The following RHOBTB2 variants were observed in gnomAD, a reference collection of about 807,000 sequenced individuals.
RHOBTB2 encodes rho-related BTB domain-containing protein 2.
RHOBTB2 carries 39 observed loss-of-function variants against 66.5 expected under a neutral mutation model. The observed-to-expected ratio is 0.59, with a 90% CI of 0.45 to 0.77. The LOEUF is 0.77. Among genes scored for constraint, RHOBTB2 ranks in the 30% least tolerant of loss-of-function variants. The pLI is 0.00. For synonymous variants in RHOBTB2, 390 were observed against 395.0 expected, an observed-to-expected ratio of 0.99 and a Z score of 0.15; for missense variants, 755 against 999.1, an observed-to-expected ratio of 0.76 and a Z score of 3.29.
the RHOBTB2 span, among the ~76,000 whole-genome samples, chr8:22,952,963 A>T: frequency 6.1e-4 from 92 of 152,050 alleles, 3 homozygotes; most frequent in Non-Finnish European, 2.9e-5. Flanking sequence ...GAAGAGCACC[A>T]AGTGGGCTAC....
At chr8:22,954,267 C>CA in the RHOBTB2 span, among the ~76,000 whole-genome samples, 1 of 152,184 alleles carries the variant, frequency 6.6e-6, no homozygotes, top group South Asian at 2.1e-4. Context: ...GCTTCTTCCA[C>CA]AGCAGGAAAG....
At chr8:23,008,957 C>G (rs1811054044) in intron 6 of RHOBTB2, among the ~76,000 whole-genome samples, 1 of 152,014 alleles carries the variant, frequency 6.6e-6, no homozygotes, top group Non-Finnish European at 1.5e-5. Context: ...TTCACTATCC[C>G]TAGGACTTGG....
chr8:22,978,393 A>G, the RHOBTB2 span, among the ~76,000 whole-genome samples: 1 of 151,346 alleles, frequency 6.6e-6, no homozygotes, highest in African/African-American at 2.4e-5. Context: ...AGGCTGAGGC[A>G]GGAGAATGGC....
At position 23,006,042 on chromosome 8, in the gene RHOBTB2, A is replaced by C. The variant is rs781503290; in HGVS notation, c.379A>C (p.Lys127Gln). Residue 127 changes from lysine to glutamine, a missense_variant, in exon 4 of 10, where the codon AAG becomes CAG. Physicochemically the swap from Lys to Gln is moderately conservative, Grantham distance 53 (BLOSUM62 1). Around this residue, in one of 7 missense-constraint regions of RHOBTB2, gnomAD observed 33 missense variants for 36.0 expected, o/e 0.92. Transcript: ENST00000251822. The surrounding 1 kb of genome is among the most constrained non-coding windows in gnomAD (Gnocchi z 6.1). ...CAAGACCATGTGGTACCCAGAAATC[A>C]AGCACTTCTGCCCCCGAGCACCTGT... The part of the protein sequence containing the change: ...HVKTMWYPEI[K>Q]HFCPRAPVIL... 4 of 1,613,308 alleles carry C rather than the reference A, an allele frequency of 2.5e-6. No homozygotes were observed.
At chr8:22,962,874 T>C in the RHOBTB2 span, among the ~76,000 whole-genome samples, 1 of 152,202 alleles carries the variant, frequency 6.6e-6, no homozygotes, top group African/African-American at 2.4e-5. Context: ...ACAAGAGTGG[T>C]AAAAGCAAAA....
the RHOBTB2 span, among the ~76,000 whole-genome samples, chr8:22,959,043 G>T: frequency 6.6e-6 from 1 of 152,144 alleles, no homozygotes. Flanking sequence ...TTGGGACTCT[G>T]CTAGTCTTCC....
rs778715345 is a variant in RHOBTB2 at position 23,010,569 on chromosome 8, T to C, written c.1652T>C (p.Met551Thr). Reference protein sequence around the residue: ...VVFPYTSKSCMRAVLEYLYTG... With the variant: ...VVFPYTSKSCTRAVLEYLYTG... Reference sequence around the variant, plus strand: ...TTTCCCTACACAAGCAAGAGCTGCATGCGGGCCGTGCTGGAATACCTCTAC... The same window carrying C: ...TTTCCCTACACAAGCAAGAGCTGCACGCGGGCCGTGCTGGAATACCTCTAC... Residue 551 changes from methionine to threonine, a missense_variant, in exon 7 of 10, where the codon ATG becomes ACG. Around this residue, in one of 7 missense-constraint regions of RHOBTB2, gnomAD observed 353 missense variants for 458.2 expected, o/e 0.77. Transcript: ENST00000251822. The C allele has an allele frequency of 6.8e-6, 11 of 1,614,076 alleles. No homozygotes were observed. In the East Asian group the frequency reaches 2.5e-4, roughly 36 times the overall value.
rs779401316 is a variant in RHOBTB2, at chr8:23,007,734, G to A, written c.1489G>A (p.Gly497Ser). Residue 497 changes from glycine to serine, a missense_variant, in exon 5 of 10, where the codon GGC (glycine) becomes AGC (serine). Physicochemically the swap from Gly to Ser is moderately conservative, Grantham distance 56 (BLOSUM62 0). Around this residue, in one of 7 missense-constraint regions of RHOBTB2, gnomAD observed 353 missense variants for 458.2 expected, o/e 0.77. Transcript: ENST00000251822. The stretch of plus-strand genomic sequence containing the variant: ...CCGGGTTAAGGAGTGCTTGGCAAAA[G>A]GCACCTTCTCAGGTATGGAACAGGC... ...TNRVKECLAK[G>S]TFSDVTFILD... The A allele has an allele frequency of 1.2e-6, 2 of 1,613,600 alleles. No individual in the cohort carries two copies. Among genetic ancestry groups the A allele is most frequent in the South Asian group, 2.2e-5 (2 of 91,040 alleles).
At chr8:22,965,033 T>C in the RHOBTB2 span, among the ~76,000 whole-genome samples, 5 of 152,172 alleles carry the variant, frequency 3.3e-5, no homozygotes, top group Admixed American at 2.6e-4. Flanking sequence ...GCCAGGCTGG[T>C]CTCGAATTCC....
chr8:23,012,712 G>T (rs1811182329), intron 7 of RHOBTB2, among the ~76,000 whole-genome samples: 1 of 152,104 alleles, frequency 6.6e-6, no homozygotes, highest in Non-Finnish European at 1.5e-5. Context: ...TCAAATTCCT[G>T]GGCTCAAGCG....
In RHOBTB2 at chr8:23,006,968, G is replaced by A. The variant is rs765307995; in HGVS notation, c.723G>A (p.Pro241=). Residue 241 remains proline (P), a synonymous_variant, in exon 5 of 10, where the codon CCG becomes CCA. Coordinates refer to ENST00000251822, the MANE Select transcript of RHOBTB2 (RefSeq NM_015178.3). The surrounding 1 kb of genome is among the most constrained non-coding windows in gnomAD (Gnocchi z 6.1). ...APFLPPKPPP[P]IIVVPDPPSS... is the part of the protein sequence containing the mutation. ...TCCTACCCCCCAAGCCACCGCCCCC[G>A]ATCATCGTGGTGCCCGACCCTCCCT... The A allele has an allele frequency of 5.6e-6, 9 of 1,611,012 alleles. No individual in the cohort carries two copies. The highest frequency in any genetic ancestry group is 2.2e-5 in the East Asian group (1 of 44,874).
chr8:23,007,032 C>G lies in RHOBTB2; in HGVS notation c.787C>G (p.Pro263Ala), dbSNP rs1810979375. ...GTGCCCCGCCCACCTCCTGGAGGAC[C>G]CGCTCTGCGCGGACGTCATCCTGGT... Reference protein sequence around the residue: ...EECPAHLLEDPLCADVILVLQ... With the variant: ...EECPAHLLEDALCADVILVLQ... Residue 263 changes from proline (P) to alanine (A), a missense_variant, in exon 5 of 10, where the codon CCG (proline) becomes GCG (alanine). Physicochemically the swap from Pro to Ala is conservative, Grantham distance 27. Around this residue, in one of 7 missense-constraint regions of RHOBTB2, gnomAD observed 247 missense variants for 238.9 expected, o/e 1.03. Coordinates refer to ENST00000251822, the MANE Select transcript of RHOBTB2 (RefSeq NM_015178.3). 1.2e-6 allele frequency: 2 copies of G among 1,608,718 alleles called. No individual in the cohort carries two copies. The highest frequency in any genetic ancestry group is 1.7e-5 in the Admixed American group (1 of 59,898).
Position 23,019,905 on chromosome 8 carries a change from G to C in RHOBTB2, c.*2436G>C, listed in dbSNP as rs1563300429. ...GTCCCTGTCCCCAGAGGGAGGAGCA[G>C]GCAGGAGAGAGAGGGGAAGGAGGTA... On this transcript the variant is annotated 3_prime_UTR_variant, in exon 10 of 10. Transcript: ENST00000251822. 1 of 227,622 alleles carries C rather than the reference G, an allele frequency of 4.4e-6. No homozygotes were observed. Among genetic ancestry groups the C allele is most frequent in the Non-Finnish European group, 8.8e-6 (1 of 113,324 alleles). 14.1% of individuals were successfully genotyped at this position (227,622 alleles called of 1,614,324 possible).
At chr8:22,980,163 C>T in the RHOBTB2 span, among the ~76,000 whole-genome samples, 45 of 152,210 alleles carry the variant, frequency 3.0e-4, no homozygotes, top group African/African-American at 1.1e-3. Context: ...GTAAATTGAA[C>T]TGACAAACAG....
the RHOBTB2 span, among the ~76,000 whole-genome samples, chr8:22,975,996 A>G: frequency 6.6e-6 from 1 of 152,018 alleles, no homozygotes; most frequent in African/African-American, 2.4e-5. Flanking sequence ...AAATATAAAA[A>G]TTAGCCAAGT....
intron 6 of RHOBTB2, among the ~76,000 whole-genome samples, chr8:23,010,110 G>C (rs1811094832): frequency 6.6e-6 from 1 of 152,136 alleles, no homozygotes; most frequent in Non-Finnish European, 1.5e-5. Flanking sequence ...CCGCGAGCAA[G>C]AGCGGCTTCC....
At chr8:22,972,899 C>T in the RHOBTB2 span, among the ~76,000 whole-genome samples, 1 of 152,228 alleles carries the variant, frequency 6.6e-6, no homozygotes. Context: ...CTCCTCCTGC[C>T]TTTCTGAATC....
rs1308382295 is a variant in RHOBTB2, at chr8:23,017,448, T to C, written c.2163T>C (p.Ser721=). ...SSSAASSSSP[S]SSSAVV is the part of the protein sequence containing the mutation. The stretch of plus-strand genomic sequence containing the variant: ...CGGCAGCCTCCTCCTCATCCCCATC[T>C]TCCTCCTCGGCTGTGGTCTGAGATG... Residue 721 remains serine (S), a synonymous_variant, in exon 10 of 10, where the codon TCT becomes TCC. Transcript: ENST00000251822. The surrounding 1 kb of genome is among the most constrained non-coding windows in gnomAD (Gnocchi z 5.3). 4.4e-6 allele frequency: 7 copies of C among 1,595,322 alleles called. No individual in the cohort carries two copies. Among genetic ancestry groups the C allele is most frequent in the Non-Finnish European group, 5.1e-6 (6 of 1,171,028 alleles).
chr8:23,000,029 A>T lies in RHOBTB2; in HGVS notation c.-87A>T. On this transcript the variant is annotated 5_prime_UTR_variant, in exon 1 of 10. Coordinates refer to ENST00000251822, the MANE Select transcript of RHOBTB2 (RefSeq NM_015178.3). ...TTGCAGGCGCGGAGGGACCCCTGAC[A>T]TTTCACTAAAATGAGCGTGCTCAGC... 1 of 985,492 alleles carries T rather than the reference A, an allele frequency of 1.0e-6. No homozygotes were observed. Among genetic ancestry groups the T allele is most frequent in the Non-Finnish European group, 1.2e-6 (1 of 829,988 alleles). The allele number at this position is 985,492 out of a possible 1,614,324, so 61.0% of individuals were successfully genotyped here. A position where few individuals can be genotyped will look rare whatever the true frequency, so the allele number is the denominator to read the frequency against.
Sources: allele counts gnomAD v4.1 joint callset (sites outside exome capture counted in the v4.1 genomes callset), GRCh38; gene constraint gnomAD v4.1.1; regional missense constraint gnomAD v4.1.1; non-coding constraint Gnocchi (gnomAD v3.1); transcripts MANE v1.5; gene names NCBI Gene and HGNC (gene_info 2026-07-23, HGNC 2026-07-21).